IL2RA: variants seen among roughly 807,000 people sequenced by gnomAD.
IL2RA encodes interleukin 2 receptor subunit alpha.
IL2RA carries 24 observed loss-of-function variants against 37.8 expected under a neutral mutation model. The observed-to-expected ratio is 0.63, with a 90% CI of 0.46 to 0.89. The LOEUF (loss-of-function observed/expected upper bound fraction) is 0.89, where lower values mean the gene tolerates loss of function less well. IL2RA is among the 40% of genes least tolerant of loss of function. The pLI, the probability that IL2RA is intolerant of heterozygous loss-of-function variation, is 0.00. For missense variants in IL2RA, 319 were observed against 348.6 expected (o/e 0.92, Z 0.68); for synonymous variants, 125 against 114.6 (o/e 1.09, Z -0.58).
In IL2RA at chr10:6,021,416, C is replaced by G; in HGVS notation, c.583+62G>C. ...TGTCCAGCAGGAGTGGTCAGGGATT[C>G]CACTCTGGTCAGCCTGATGGAGCAA... On this transcript the variant is annotated intron_variant, in intron 4 of 7. Coordinates refer to ENST00000379959, the MANE Select transcript of IL2RA (RefSeq NM_000417.3). The surrounding 1 kb of genome is among the most constrained non-coding windows in gnomAD (Gnocchi z 4.9). 2.2e-6 allele frequency: 3 copies of G among 1,374,210 alleles called. No individual in the cohort carries two copies. Among genetic ancestry groups the G allele is most frequent in the Non-Finnish European group, 3.1e-6 (3 of 963,430 alleles). The allele number at this position is 1,374,210 out of a possible 1,614,324, so 85.1% of individuals were successfully genotyped here. A position where few individuals can be genotyped will look rare whatever the true frequency, so the allele number is the denominator to read the frequency against.
At position 6,029,128 on chromosome 10, in the gene IL2RA, TTTTATTTATTTATTTATTTATTTA is replaced by T. The variant is rs199788056; in HGVS notation, c.65-3127_65-3104del. On this transcript the variant is annotated intron_variant, in intron 1 of 7. Transcript: ENST00000379959. The surrounding 1 kb of genome is among the most constrained non-coding windows in gnomAD (Gnocchi z 4.6). The stretch of plus-strand genomic sequence containing the variant: ...TGACCTGCAGATTTGCTGCCATTTA[TTTTATTTATTTATTTATTTATTTA>T]TTTATTTATTTATTTATTTATTTAT... Among the ~76,000 whole-genome samples the T allele has an allele frequency of 2.0e-4, 28 of 140,832 alleles. No individual in the cohort carries two copies. The highest frequency in any genetic ancestry group is 5.8e-4 in the Admixed American group (8 of 13,870). 92.4% of individuals were successfully genotyped at this position (140,832 alleles called of 152,430 possible).
At chr10:6,042,062 G>A (rs11598648) in intron 1 of IL2RA, among the ~76,000 whole-genome samples, 66,695 of 146,132 alleles carry the variant, frequency 0.46, 15,429 homozygotes, top group African/African-American at 0.55. Context: ...TGGTTGATAA[G>A]GTGAAGAATT....
intron 1 of IL2RA, among the ~76,000 whole-genome samples, chr10:6,030,677 T>A (rs1839562134): frequency 6.6e-6 from 1 of 152,086 alleles, no homozygotes; most frequent in Non-Finnish European, 1.5e-5. Flanking sequence ...GCTAGAAACA[T>A]AAATCGACAT....
In IL2RA at chr10:6,014,853, G is replaced by A. The variant is rs1308513464; in HGVS notation, c.795-1957C>T. 6.6e-6 allele frequency among the ~76,000 whole-genome samples: 1 copy of A among 152,148 alleles called. No individual in the cohort carries two copies. Among genetic ancestry groups the A allele is most frequent in the Non-Finnish European group, 1.5e-5 (1 of 68,028 alleles). ...TTCCCATGAGGAAAATTAGGAGTAT[G>A]TTATGGACCTGATGACCCATATAAG... is the stretch of plus-strand genomic sequence containing the variant. On this transcript the variant is annotated intron_variant, in intron 7 of 7. Coordinates refer to ENST00000379959, the MANE Select transcript of IL2RA (RefSeq NM_000417.3). This position sits in a 1 kb window ranked among gnomAD's most constrained non-coding sequence, Gnocchi z 4.4.
At position 6,012,830 on chromosome 10, in the gene IL2RA, G is replaced by T. The variant is rs1318477027; in HGVS notation, c.*42C>A. 6.2e-7 allele frequency: 1 copy of T among 1,603,216 alleles called. No individual in the cohort carries two copies. Among genetic ancestry groups the T allele is most frequent in the Non-Finnish European group, 8.5e-7 (1 of 1,170,248 alleles). On this transcript the variant is annotated 3_prime_UTR_variant, in exon 8 of 8. Transcript: ENST00000379959. The surrounding 1 kb of genome is among the most constrained non-coding windows in gnomAD (Gnocchi z 4.8). ...TTGGGCTTCATGACTTCTGTTGTCT[G>T]TTCCCGGCTTCTTACCAAGAAATTC...
intron 7 of IL2RA, 129 bp downstream of exon 7, chr10:6,017,924 C>G (rs1677953073): frequency 1.3e-6 from 1 of 753,218 alleles, no homozygotes; most frequent in African/African-American, 1.7e-5. Context: ...ATGGATTGGC[C>G]TCTCCCTTTG....
At chr10:6,038,938 G>T (rs1402752734) in intron 1 of IL2RA, among the ~76,000 whole-genome samples, 1 of 151,954 alleles carries the variant, frequency 6.6e-6, no homozygotes, top group Non-Finnish European at 1.5e-5. Context: ...GAAAGAGAAG[G>T]TAAAAAATAA....
In IL2RA at chr10:6,021,433, A is replaced by T; in HGVS notation, c.583+45T>A. The T allele has an allele frequency of 6.5e-7, 1 of 1,526,788 alleles. No homozygotes were observed. Among genetic ancestry groups the T allele is most frequent in the South Asian group, 1.1e-5 (1 of 89,230 alleles). The allele number at this position is 1,526,788 out of a possible 1,614,324, so 94.6% of individuals were successfully genotyped here. On this transcript the variant is annotated intron_variant, in intron 4 of 7. Transcript: ENST00000379959. The surrounding 1 kb of genome is among the most constrained non-coding windows in gnomAD (Gnocchi z 4.9). The stretch of plus-strand genomic sequence containing the variant: ...CAGGGATTCCACTCTGGTCAGCCTG[A>T]TGGAGCAAAGCAACATTGTGGACCC...
chr10:6,058,579 C>T lies in IL2RA; in HGVS notation c.64+3509G>A, dbSNP rs1840082277. Reference sequence around the variant, plus strand: ...GGTTAAACATTTTGTGTTTGACTGACAAAGGTGAAGATGGGAAATTCCATT... The same window carrying T: ...GGTTAAACATTTTGTGTTTGACTGATAAAGGTGAAGATGGGAAATTCCATT... On this transcript the variant is annotated intron_variant, in intron 1 of 7. Transcript: ENST00000379959. The surrounding 1 kb of genome is among the most constrained non-coding windows in gnomAD (Gnocchi z 4.2). Among the ~76,000 whole-genome samples the T allele has an allele frequency of 6.6e-6, 1 of 152,086 alleles. No individual in the cohort carries two copies. Among genetic ancestry groups the T allele is most frequent in the Admixed American group, 6.5e-5 (1 of 15,278 alleles).
rs768262681 is a variant in IL2RA, at chr10:6,033,451, T to A, written c.65-7426A>T. On this transcript the variant is annotated intron_variant, in intron 1 of 7. Transcript: ENST00000379959. The surrounding 1 kb of genome is among the most constrained non-coding windows in gnomAD (Gnocchi z 4.3). The stretch of plus-strand genomic sequence containing the variant: ...GGATGTGTCTACAGAAAGACTTTTA[T>A]AAAATATTTATAGTAACTTCTTTCT... 1.3e-5 allele frequency among the ~76,000 whole-genome samples: 2 copies of A among 152,246 alleles called. No individual in the cohort carries two copies. Among genetic ancestry groups the A allele is most frequent in the Admixed American group, 6.5e-5 (1 of 15,288 alleles).
intron 1 of IL2RA, among the ~76,000 whole-genome samples, chr10:6,038,648 C>A (rs1839726109): frequency 6.6e-6 from 1 of 152,192 alleles, no homozygotes; most frequent in African/African-American, 2.4e-5. Context: ...TCAGGAAATT[C>A]TTTCAAATAG....
chr10:6,024,098 T>C (rs1398079379), intron 3 of IL2RA, 146 bp downstream of exon 3: 2 of 689,708 alleles, frequency 2.9e-6, no homozygotes, highest in Admixed American at 2.1e-5. Context: ...CTAATTCTTG[T>C]CTGCAATGAT....
intron 1 of IL2RA, among the ~76,000 whole-genome samples, chr10:6,034,261 A>G (rs181356359): frequency 2.0e-5 from 3 of 152,278 alleles, no homozygotes; most frequent in African/African-American, 4.8e-5. Flanking sequence ...GGAATTTAGG[A>G]TCTTGACACC....
rs192322096 is a variant in IL2RA, at chr10:6,037,219, A to G, written c.65-11194T>C. ...TGACTGGAGGAAAGGTGTGTGGGTG[A>G]GAAACGTTTGTCGGTTGAGTAACTT... On this transcript the variant is annotated intron_variant, in intron 1 of 7. Coordinates refer to ENST00000379959, the MANE Select transcript of IL2RA (RefSeq NM_000417.3). 6.6e-5 allele frequency among the ~76,000 whole-genome samples: 10 copies of G among 152,306 alleles called. No homozygotes were observed. The South Asian group carries it at 8.3e-4, about 13-fold the overall frequency.
Position 6,018,194 on chromosome 10 carries a change from G to A in IL2RA, c.728-75C>T. The A allele has an allele frequency of 1.7e-6, 2 of 1,143,740 alleles. No individual in the cohort carries two copies. Among genetic ancestry groups the A allele is most frequent in the Non-Finnish European group, 2.6e-6 (2 of 759,274 alleles). The allele number at this position is 1,143,740 out of a possible 1,614,324, so 70.8% of individuals were successfully genotyped here. On this transcript the variant is annotated intron_variant, in intron 6 of 7. Transcript: ENST00000379959. This position sits in a 1 kb window ranked among gnomAD's most constrained non-coding sequence, Gnocchi z 5.1. ...GGGCAGCAGGAGCCAGGGCCACAGGGCAGGCTGAGGACATCCCCAAAGAGC... is the reference window on the plus strand; with the variant it reads ...GGGCAGCAGGAGCCAGGGCCACAGGACAGGCTGAGGACATCCCCAAAGAGC...
intron 1 of IL2RA, among the ~76,000 whole-genome samples, chr10:6,041,895 A>C (rs1839777324): frequency 6.6e-6 from 1 of 152,114 alleles, no homozygotes; most frequent in Admixed American, 6.5e-5. Context: ...CCCTGTAAAC[A>C]CTCAACAATA....
Position 6,058,264 on chromosome 10 carries a change from A to G in IL2RA, c.64+3824T>C, listed in dbSNP as rs1468143280. ...TTTTAGAGCTCAGCAACCGTTCTAT[A>G]TTAGCACCTCTAACTGACGCATTCG... On this transcript the variant is annotated intron_variant, in intron 1 of 7. Transcript: ENST00000379959. This position sits in a 1 kb window ranked among gnomAD's most constrained non-coding sequence, Gnocchi z 4.2. Among the ~76,000 whole-genome samples, 1 of 152,210 alleles carries G rather than the reference A, an allele frequency of 6.6e-6. No homozygotes were observed. The highest frequency in any genetic ancestry group is 1.9e-4 in the East Asian group (1 of 5,198).
intron 1 of IL2RA, among the ~76,000 whole-genome samples, chr10:6,037,525 G>C (rs895042135): frequency 6.6e-6 from 1 of 152,134 alleles, no homozygotes; most frequent in Non-Finnish European, 1.5e-5. Flanking sequence ...AATAACGCAC[G>C]GAGCACAGGA....
At position 6,056,598 on chromosome 10, in the gene IL2RA, C is replaced by CA. The variant is rs12722626; in HGVS notation, c.64+5489dup. ...AAAAACCCCCTCTCTACTAAAATTA[C>CA]AAAAAAGGAGCCAGGCATGGTGGTG... On this transcript the variant is annotated intron_variant, in intron 1 of 7. Coordinates refer to ENST00000379959, the MANE Select transcript of IL2RA (RefSeq NM_000417.3). This position sits in a 1 kb window ranked among gnomAD's most constrained non-coding sequence, Gnocchi z 5.0. Among the ~76,000 whole-genome samples the CA allele has an allele frequency of 1.3e-5, 2 of 151,938 alleles. No individual in the cohort carries two copies. The highest frequency in any genetic ancestry group is 4.8e-5 in the African/African-American group (2 of 41,360).
Sources: gnomAD v4.1 joint callset for allele counts (sites outside exome capture counted in the v4.1 genomes callset) on GRCh38, gnomAD v4.1.1 for gene constraint, Gnocchi (gnomAD v3.1) non-coding constraint, MANE v1.5 for transcripts, NCBI Gene and HGNC (gene_info 2026-07-23, HGNC 2026-07-21) for gene names.